The following INSL6 variants were observed in gnomAD, a reference collection of about 807,000 sequenced individuals.
The protein encoded by INSL6 is insulin-like peptide INSL6.
Under a neutral mutation model 9.4 loss-of-function variants are expected in INSL6, and 16 were observed. The ratio of observed to expected loss-of-function variants is 1.70; its 90% CI spans 1.15 to 2.59. The LOEUF (loss-of-function observed/expected upper bound fraction) is 2.59. Among genes scored for constraint, INSL6 ranks in the 30% most tolerant of loss-of-function variants. INSL6 has a pLI of 0.00. For synonymous variants in INSL6, 154 were observed against 96.9 expected (o/e 1.59, Z -3.46); for missense variants, 391 against 257.3 (o/e 1.52, Z -3.56).
At chr9:5,026,567 G>A in the INSL6 span, among the ~76,000 whole-genome samples, 3 of 152,230 alleles carry the variant, frequency 2.0e-5, no homozygotes, top group Middle Eastern at 3.4e-3. Flanking sequence ...TGAGCCTTAT[G>A]TTTTAAATAT....
chr9:5,019,393 A>G, the INSL6 span, among the ~76,000 whole-genome samples: 1 of 151,834 alleles, frequency 6.6e-6, no homozygotes, highest in Non-Finnish European at 1.5e-5. Context: ...TTTTTAAATG[A>G]TATCTCTCTC....
the INSL6 span, among the ~76,000 whole-genome samples, chr9:5,068,567 A>G: frequency 6.6e-6 from 1 of 152,196 alleles, no homozygotes; most frequent in Non-Finnish European, 1.5e-5. Flanking sequence ...AGCATGAAGA[A>G]TTATCAAGGC....
intron 3 of INSL6, among the ~76,000 whole-genome samples, chr9:5,124,919 T>C (rs1352169750): frequency 6.6e-6 from 1 of 151,520 alleles, no homozygotes; most frequent in Non-Finnish European, 1.5e-5. Context: ...ATCCCAAACC[T>C]ATTCCTAAAC....
At chr9:5,183,533 G>A (rs577503743) in intron 1 of INSL6, among the ~76,000 whole-genome samples, 3 of 152,184 alleles carry the variant, frequency 2.0e-5, no homozygotes, top group Non-Finnish European at 4.4e-5. Context: ...TTTTAAGGTT[G>A]AACATTTTTA....
chr9:5,074,930 G>C, the INSL6 span, among the ~76,000 whole-genome samples: 4 of 152,196 alleles, frequency 2.6e-5, no homozygotes, highest in South Asian at 8.3e-4. Context: ...AAAAGTCCTT[G>C]AAGGAAACTG....
the INSL6 span, among the ~76,000 whole-genome samples, chr9:5,049,906 G>T: frequency 6.6e-6 from 1 of 152,120 alleles, no homozygotes; most frequent in Non-Finnish European, 1.5e-5. Flanking sequence ...AAGTATTTGT[G>T]TAGTTAAACA....
At chr9:5,134,886 C>T (rs1410181960) in intron 2 of INSL6, among the ~76,000 whole-genome samples, 2 of 152,066 alleles carry the variant, frequency 1.3e-5, no homozygotes, top group African/African-American at 2.4e-5. Context: ...AAAAGACACA[C>T]ACTGGCAAAT....
At chr9:5,099,067 A>T in the INSL6 span, 1 of 152,174 alleles carries the variant, frequency 6.6e-6, no homozygotes, top group South Asian at 2.1e-4. Flanking sequence ...TGAAGTTGAT[A>T]ACCGAACAAT....
the INSL6 span, among the ~76,000 whole-genome samples, chr9:5,056,172 A>C: frequency 4.2e-4 from 64 of 152,146 alleles, no homozygotes; most frequent in South Asian, 1.2e-3. Context: ...AGAAAAAATA[A>C]ATCAATGATG....
At chr9:5,096,999 C>G in the INSL6 span, 1 of 152,134 alleles carries the variant, frequency 6.6e-6, no homozygotes, top group Non-Finnish European at 1.5e-5. Flanking sequence ...CTTTCCTACT[C>G]CTACTTGCAT....
the INSL6 span, among the ~76,000 whole-genome samples, chr9:5,011,514 T>G: frequency 6.6e-6 from 1 of 152,236 alleles, no homozygotes; most frequent in African/African-American, 2.4e-5. Context: ...TTGTAGAGTT[T>G]ACATATGGCT....
intron 2 of INSL6, among the ~76,000 whole-genome samples, chr9:5,136,707 G>C (rs1376417676): frequency 6.6e-6 from 1 of 152,102 alleles, no homozygotes; most frequent in Non-Finnish European, 1.5e-5. Flanking sequence ...TTGAAAACTG[G>C]CACAAGACAA....
chr9:5,024,222 C>T, the INSL6 span, among the ~76,000 whole-genome samples: 1 of 152,112 alleles, frequency 6.6e-6, no homozygotes, highest in Admixed American at 6.5e-5. Flanking sequence ...CGCCACTGCA[C>T]TCCAGCCTGG....
chr9:5,147,843 TTC>T (rs1396865800), intron 2 of INSL6, among the ~76,000 whole-genome samples: 75 of 152,352 alleles, frequency 4.9e-4, no homozygotes, highest in Non-Finnish European at 4.4e-5. Context: ...CCATTAATAC[TTC>T]TGATTGTATT....
the INSL6 span, among the ~76,000 whole-genome samples, chr9:5,107,526 C>T: frequency 2.6e-5 from 4 of 152,012 alleles, no homozygotes; most frequent in Non-Finnish European, 5.9e-5. Flanking sequence ...TAATCCTAGG[C>T]TTAATTTACA....
intron 2 of INSL6, among the ~76,000 whole-genome samples, chr9:5,148,950 T>G (rs192457371): frequency 5.5e-4 from 83 of 152,152 alleles, no homozygotes; most frequent in East Asian, 1.9e-4. Flanking sequence ...AAAACAGACA[T>G]GCTGCAGGCC....
At chr9:5,061,817 C>T in the INSL6 span, among the ~76,000 whole-genome samples, 4 of 152,158 alleles carry the variant, frequency 2.6e-5, no homozygotes, top group Non-Finnish European at 4.4e-5. Context: ...ATGCCTTCCT[C>T]ACTAAGCTTA....
the INSL6 span, among the ~76,000 whole-genome samples, chr9:5,074,364 A>G: frequency 6.6e-6 from 1 of 152,116 alleles, no homozygotes; most frequent in Non-Finnish European, 1.5e-5. Flanking sequence ...GTTTACGGCA[A>G]CCCAGTGTCT....
chr9:5,078,253 G>A, the INSL6 span: 3 of 1,442,928 alleles, frequency 2.1e-6, no homozygotes, highest in Admixed American at 3.7e-5. Context: ...CATACTAAAT[G>A]CTCCAGTACT....
Sources: gnomAD v4.1 joint callset for allele counts (sites outside exome capture counted in the v4.1 genomes callset) on GRCh38, gnomAD v4.1.1 for gene constraint, MANE v1.5 for transcripts, NCBI Gene and HGNC (gene_info 2026-07-23, HGNC 2026-07-21) for gene names.